C12orf56: variants seen among roughly 807,000 people sequenced by gnomAD.
C12orf56 encodes the protein chromosome 12 open reading frame 56.
In C12orf56, 71 loss-of-function variants were observed where a neutral mutation model predicts 69.9. That is an observed-to-expected ratio of 1.02 (90% CI 0.84 to 1.24). C12orf56 has a LOEUF of 1.24. C12orf56 is among the 50% of genes most tolerant of loss of function. C12orf56 has a pLI of 0.00. For missense variants in C12orf56, 732 were observed against 738.5 expected, an observed-to-expected ratio of 0.99 and a Z score of 0.10; for synonymous variants, 276 against 274.1, an observed-to-expected ratio of 1.01 and a Z score of -0.07.
At chr12:64,320,778 A>AC (rs2038761599) in intron 3 of C12orf56, among the ~76,000 whole-genome samples, 1 of 152,174 alleles carries the variant, frequency 6.6e-6, no homozygotes, top group African/African-American at 2.4e-5. Context: ...AGCAGAACGG[A>AC]CCAAAACAGA....
intron 1 of C12orf56, among the ~76,000 whole-genome samples, chr12:64,376,221 TC>T (rs1453887016): frequency 6.6e-6 from 1 of 152,162 alleles, no homozygotes; most frequent in Admixed American, 6.6e-5. Context: ...TCACCTGACC[TC>T]TTGCCAACTG....
chr12:64,301,714 T>A (rs1223614272), intron 6 of C12orf56, among the ~76,000 whole-genome samples: 1 of 152,214 alleles, frequency 6.6e-6, no homozygotes, highest in Non-Finnish European at 1.5e-5. Context: ...TTTCCCTTCT[T>A]TCCCAGTTCA....
At chr12:64,270,782 G>A (rs1420431513) in intron 11 of C12orf56, 68 bp from the exon 12 acceptor site, 10 of 1,352,042 alleles carry the variant, frequency 7.4e-6, no homozygotes, top group East Asian at 4.6e-5. Context: ...TTCAGCTGGA[G>A]CTTCAACTAC....
At chr12:64,389,741 T>G (rs562019250) in intron 1 of C12orf56, among the ~76,000 whole-genome samples, 2 of 152,232 alleles carry the variant, frequency 1.3e-5, no homozygotes, top group South Asian at 2.1e-4. Flanking sequence ...CGGTGATCTA[T>G]CCACCTTGGC....
chr12:64,313,104 C>CA (rs201366381), intron 4 of C12orf56, among the ~76,000 whole-genome samples: 3 of 150,474 alleles, frequency 2.0e-5, no homozygotes, highest in Admixed American at 6.6e-5. Context: ...ACTAAAAATA[C>CA]AAAAAAAATT....
chr12:64,390,255 G>A (rs1016107225), intron 1 of C12orf56, 59 bp downstream of exon 1: 63 of 1,518,312 alleles, frequency 4.1e-5, no homozygotes, highest in Non-Finnish European at 5.3e-5. Flanking sequence ...GGGTTTGGGG[G>A]CCCCAGCCGG....
intron 1 of C12orf56, among the ~76,000 whole-genome samples, chr12:64,387,077 C>CAACAAAAAAAAAAAAA (rs1201123599): frequency 4.3e-4 from 18 of 42,108 alleles, no homozygotes; most frequent in African/African-American, 1.9e-3. Flanking sequence ...GACTCTATCT[C>CAACAAAAAAAAAAAAA]AAAAAAAAAA....
At chr12:64,300,461 C>T (rs925866922) in intron 6 of C12orf56, among the ~76,000 whole-genome samples, 1 of 152,168 alleles carries the variant, frequency 6.6e-6, no homozygotes, top group African/African-American at 2.4e-5. Context: ...CCTTCTTAAT[C>T]TAACCCTTAA....
chr12:64,332,736 G>C (rs972489127), intron 2 of C12orf56, among the ~76,000 whole-genome samples: 2 of 152,204 alleles, frequency 1.3e-5, no homozygotes, highest in African/African-American at 4.8e-5. Context: ...GCCAATCAAT[G>C]TCTTGCCCTG....
At chr12:64,386,458 G>A (rs1391023344) in intron 1 of C12orf56, among the ~76,000 whole-genome samples, 3 of 150,440 alleles carry the variant, frequency 2.0e-5, no homozygotes, top group African/African-American at 2.5e-5. Context: ...GTGCAATGGC[G>A]CAATCTTGGC....
chr12:64,321,244 CT>C (rs531777909), intron 3 of C12orf56, among the ~76,000 whole-genome samples: 29 of 151,522 alleles, frequency 1.9e-4, no homozygotes, highest in Admixed American at 1.4e-3. Context: ...GATGGTTTAT[CT>C]TTTTTTTTAT....
intron 11 of C12orf56, 47 bp downstream of exon 11, chr12:64,274,854 T>G: frequency 1.4e-6 from 2 of 1,434,146 alleles, no homozygotes; most frequent in South Asian, 2.4e-5. Flanking sequence ...AGAGTATCTG[T>G]TTAATTAGGC....
At chr12:64,373,922 C>G (rs1392720258) in intron 1 of C12orf56, among the ~76,000 whole-genome samples, 3 of 152,162 alleles carry the variant, frequency 2.0e-5, no homozygotes, top group Non-Finnish European at 2.9e-5. Flanking sequence ...CAATTACCTT[C>G]ACATTGTACA....
intron 2 of C12orf56, chr12:64,338,189 T>C: frequency 1.7e-6 from 1 of 582,626 alleles, no homozygotes; most frequent in South Asian, 1.4e-5. Flanking sequence ...AAAAACTTCC[T>C]GTTGGCATTT....
intron 5 of C12orf56, among the ~76,000 whole-genome samples, chr12:64,308,939 AGAAGAAAGAAAG>A (rs1449441665): frequency 6.1e-4 from 16 of 26,442 alleles, no homozygotes; most frequent in East Asian, 2.9e-3. Context: ...AAAGAAAGAA[AGAAGAAAGAAAG>A]AAAGAAAGAA....
chr12:64,337,588 G>A (rs2039012379), intron 2 of C12orf56, among the ~76,000 whole-genome samples: 1 of 152,214 alleles, frequency 6.6e-6, no homozygotes, highest in Admixed American at 6.5e-5. Context: ...CAGGCACAGT[G>A]GCTCATGCCT....
intron 2 of C12orf56, among the ~76,000 whole-genome samples, chr12:64,349,223 A>G (rs2039188957): frequency 6.6e-6 from 1 of 152,240 alleles, no homozygotes; most frequent in East Asian, 1.9e-4. Context: ...TGAATAAACA[A>G]TTCTCAAAAG....
intron 2 of C12orf56, among the ~76,000 whole-genome samples, chr12:64,336,162 C>T (rs556563410): frequency 5.3e-4 from 81 of 152,256 alleles, no homozygotes; most frequent in African/African-American, 1.8e-3. Flanking sequence ...AAACATACAG[C>T]ATTACTGTTG....
At chr12:64,322,339 T>C (rs2038784060) in intron 3 of C12orf56, among the ~76,000 whole-genome samples, 1 of 152,168 alleles carries the variant, frequency 6.6e-6, no homozygotes, top group Non-Finnish European at 1.5e-5. Flanking sequence ...TCATCTCCAT[T>C]CCAGCTATTG....
Sources: allele counts gnomAD v4.1 joint callset (sites outside exome capture counted in the v4.1 genomes callset), GRCh38; gene constraint gnomAD v4.1.1; transcripts MANE v1.5; gene names NCBI Gene and HGNC (gene_info 2026-07-23, HGNC 2026-07-21).